The following MSRA variants were observed in gnomAD, a reference collection of about 807,000 sequenced individuals.
MSRA encodes the protein mitochondrial peptide methionine sulfoxide reductase.
MSRA carries 54 observed loss-of-function variants against 31.3 expected under a neutral mutation model. The ratio of observed to expected loss-of-function variants is 1.73; its 90% CI spans 1.39 to 2.17. The LOEUF (loss-of-function observed/expected upper bound fraction) is 2.17. MSRA is among the 30% of genes most tolerant of loss of function. The probability of loss-of-function intolerance (pLI) is 0.00; values close to 1 mark genes in which losing one functional copy is unlikely to be tolerated. For missense variants in MSRA, 507 were observed against 300.9 expected (o/e 1.69, Z -5.07); for synonymous variants, 169 against 116.5 (o/e 1.45, Z -2.90).
intron 1 of MSRA, among the ~76,000 whole-genome samples, chr8:10,143,357 C>T (rs1245541379): frequency 1.3e-5 from 2 of 152,148 alleles, no homozygotes; most frequent in Non-Finnish European, 2.9e-5. Flanking sequence ...CAAATGCTTT[C>T]AGAAAAGGGT....
intron 1 of MSRA, among the ~76,000 whole-genome samples, chr8:10,198,115 G>C (rs982510341): frequency 6.6e-6 from 1 of 151,198 alleles, no homozygotes; most frequent in African/African-American, 2.4e-5. Flanking sequence ...GTTGCTTTCA[G>C]TTTTTTTTTC....
chr8:10,252,128 G>A (rs1044580179), intron 3 of MSRA, among the ~76,000 whole-genome samples: 10 of 152,208 alleles, frequency 6.6e-5, no homozygotes, highest in Non-Finnish European at 1.5e-4. Context: ...AGAATGTTGG[G>A]AAACCTCCAA....
intron 3 of MSRA, among the ~76,000 whole-genome samples, chr8:10,279,928 T>C (rs1799529921): frequency 6.6e-6 from 1 of 152,244 alleles, no homozygotes; most frequent in Non-Finnish European, 1.5e-5. Context: ...TTGGATATTC[T>C]GTTGAATTTA....
chr8:10,363,551 G>C (rs1424540724), intron 5 of MSRA, among the ~76,000 whole-genome samples: 1 of 152,104 alleles, frequency 6.6e-6, no homozygotes, highest in Non-Finnish European at 1.5e-5. Flanking sequence ...CACCTTAGTA[G>C]TCCCCTTAGC....
At chr8:10,233,681 G>C (rs555235911) in intron 2 of MSRA, among the ~76,000 whole-genome samples, 1 of 152,334 alleles carries the variant, frequency 6.6e-6, no homozygotes, top group Non-Finnish European at 1.5e-5. Context: ...GCAGTTAAAT[G>C]ACACAGAGGA....
intron 1 of MSRA, among the ~76,000 whole-genome samples, chr8:10,146,113 A>C (rs1477511137): frequency 6.6e-6 from 1 of 152,196 alleles, no homozygotes; most frequent in Non-Finnish European, 1.5e-5. Context: ...GCTGTCCAGG[A>C]GTGTGTGGTT....
chr8:10,113,314 T>TTTTTTTTTG (rs1444952865), intron 1 of MSRA, among the ~76,000 whole-genome samples: 1 of 125,126 alleles, frequency 8.0e-6, no homozygotes, highest in African/African-American at 4.1e-5. Flanking sequence ...TTTTTTTTTT[T>TTTTTTTTTG]GGAGGTGTGT....
chr8:10,298,170 G>A (rs1800645711), intron 3 of MSRA, among the ~76,000 whole-genome samples: 2 of 152,236 alleles, frequency 1.3e-5, no homozygotes, highest in Non-Finnish European at 1.5e-5. Flanking sequence ...AGCAATGTTT[G>A]TATGTCTGTG....
At chr8:10,066,426 C>G (rs1054835853) in intron 1 of MSRA, among the ~76,000 whole-genome samples, 1 of 152,194 alleles carries the variant, frequency 6.6e-6, no homozygotes, top group Non-Finnish European at 1.5e-5. Context: ...ATCATACACA[C>G]ACACGCACAA....
chr8:10,347,927 C>G (rs979406630), intron 5 of MSRA, among the ~76,000 whole-genome samples: 4 of 152,176 alleles, frequency 2.6e-5, no homozygotes, highest in African/African-American at 9.7e-5. Context: ...CTGTAGTGAT[C>G]GATGCAGATG....
At chr8:10,253,305 G>A (rs1798013863) in intron 3 of MSRA, among the ~76,000 whole-genome samples, 1 of 152,178 alleles carries the variant, frequency 6.6e-6, no homozygotes, top group African/African-American at 2.4e-5. Flanking sequence ...TGTGCTACGT[G>A]TTCTTCATAT....
intron 5 of MSRA, among the ~76,000 whole-genome samples, chr8:10,344,782 C>G (rs897326461): frequency 6.6e-6 from 1 of 152,024 alleles, no homozygotes; most frequent in African/African-American, 2.4e-5. Flanking sequence ...AGGTGGTGTA[C>G]AAGACCTCAG....
At chr8:10,338,154 C>T (rs1563367251) in intron 5 of MSRA, among the ~76,000 whole-genome samples, 2 of 152,046 alleles carry the variant, frequency 1.3e-5, no homozygotes, top group Non-Finnish European at 2.9e-5. Flanking sequence ...GAAAGAGGAA[C>T]CTAGGAAAGT....
chr8:10,085,783 G>A (rs1027224848), intron 1 of MSRA, among the ~76,000 whole-genome samples: 5 of 152,150 alleles, frequency 3.3e-5, no homozygotes, highest in African/African-American at 9.7e-5. Context: ...CAATTGATCT[G>A]CTTTCTGTCT....
chr8:10,099,868 C>T (rs1256968660), intron 1 of MSRA, among the ~76,000 whole-genome samples: 1 of 152,216 alleles, frequency 6.6e-6, no homozygotes, highest in Admixed American at 6.5e-5. Context: ...CCTCTGTCCT[C>T]ATTTTCCCAA....
chr8:10,135,273 G>C (rs991780207), intron 1 of MSRA, among the ~76,000 whole-genome samples: 1 of 152,248 alleles, frequency 6.6e-6, no homozygotes, highest in Non-Finnish European at 1.5e-5. Context: ...TAGAGAGGCA[G>C]AGTGGTGAGG....
intron 3 of MSRA, among the ~76,000 whole-genome samples, chr8:10,277,409 T>C (rs1799379877): frequency 6.6e-6 from 1 of 152,178 alleles, no homozygotes; most frequent in South Asian, 2.1e-4. Context: ...CTCACCCTGT[T>C]TATGCCTCTT....
At chr8:10,245,293 A>C (rs890985122) in intron 3 of MSRA, 70 bp downstream of exon 3, 1 of 1,400,086 alleles carries the variant, frequency 7.1e-7, no homozygotes, top group Admixed American at 2.1e-5. Flanking sequence ...GTTGGGTGAC[A>C]GGCTCTTTAA....
chr8:10,306,700 A>T (rs1801158538), intron 4 of MSRA, among the ~76,000 whole-genome samples: 1 of 152,288 alleles, frequency 6.6e-6, no homozygotes, highest in African/African-American at 2.4e-5. Flanking sequence ...CCTCCTAACT[A>T]GAATGACCTG....
Sources: gnomAD v4.1 joint callset for allele counts (sites outside exome capture counted in the v4.1 genomes callset) on GRCh38, gnomAD v4.1.1 for gene constraint, MANE v1.5 for transcripts, NCBI Gene and HGNC (gene_info 2026-07-23, HGNC 2026-07-21) for gene names.